Variants in ADD2 observed in about 807,000 individuals in gnomAD.
ADD2 encodes the protein adducin 2, also known as beta-adducin.
A neutral mutation model predicts 83.0 loss-of-function variants in ADD2; 23 were observed. The ratio of observed to expected loss-of-function variants is 0.28; its 90% CI spans 0.20 to 0.39. ADD2 has a LOEUF of 0.39. Among genes scored for constraint, ADD2 ranks in the 10% least tolerant of loss-of-function variants. ADD2 has a pLI of 1.00. For missense variants in ADD2, 758 were observed against 944.9 expected (o/e 0.80, Z 2.59); for synonymous variants, 375 against 375.4 (o/e 1.00, Z 0.01).
intron 1 of ADD2, among the ~76,000 whole-genome samples, chr2:70,742,234 G>A (rs1553381227): frequency 6.6e-6 from 1 of 152,156 alleles, no homozygotes; most frequent in African/African-American, 2.4e-5. Flanking sequence ...TTTTGGTTAA[G>A]AAAGTGCTAT....
At position 70,696,154 on chromosome 2, in the gene ADD2, G is replaced by A. The variant is rs55880898; in HGVS notation, c.474+91C>T. ...ATTTTAGCCAAAGGTCACCAGCAGT[G>A]CCATGGCCATGCCAAGGGTCAGGAG... On this transcript the variant is annotated intron_variant, in intron 5 of 15. Coordinates refer to ENST00000264436, the MANE Select transcript of ADD2 (RefSeq NM_001617.4). 1.0e-2 allele frequency: 14,868 copies of A among 1,491,844 alleles called. 103 individuals are homozygous for A. Among genetic ancestry groups the A allele is most frequent in the Non-Finnish European group, 0.012 (13,498 of 1,098,380 alleles). 92.4% of individuals were successfully genotyped at this position (1,491,844 alleles called of 1,614,324 possible). A position where few individuals can be genotyped will look rare whatever the true frequency, so the allele number is the denominator to read the frequency against.
chr2:70,734,502 C>A (rs1673428263), intron 1 of ADD2, among the ~76,000 whole-genome samples: 1 of 152,086 alleles, frequency 6.6e-6, no homozygotes, highest in African/African-American at 2.4e-5. Context: ...CAGGTCAGGG[C>A]ACTTAGGGGA....
chr2:70,735,704 T>C (rs1553379970), intron 1 of ADD2, among the ~76,000 whole-genome samples: 2 of 150,862 alleles, frequency 1.3e-5, no homozygotes, highest in African/African-American at 4.9e-5. Context: ...TCTATCTCTA[T>C]TCCCCCGCTT....
chr2:70,720,497 G>T (rs115610526), intron 1 of ADD2, among the ~76,000 whole-genome samples: 3 of 152,314 alleles, frequency 2.0e-5, no homozygotes, highest in Non-Finnish European at 4.4e-5. Flanking sequence ...CGATGATTCT[G>T]TATTCTAGCG....
At chr2:70,763,288 T>C (rs539304957) in intron 1 of ADD2, among the ~76,000 whole-genome samples, 1 of 152,098 alleles carries the variant, frequency 6.6e-6, no homozygotes, top group South Asian at 2.1e-4. Context: ...TTGGTGGTGG[T>C]TGTCATTGAA....
intron 1 of ADD2, among the ~76,000 whole-genome samples, chr2:70,751,202 T>A (rs557218288): frequency 6.6e-6 from 1 of 152,190 alleles, no homozygotes; most frequent in Non-Finnish European, 1.5e-5. Context: ...CCCTTCCACT[T>A]TGACACTCTG....
intron 12 of ADD2, among the ~76,000 whole-genome samples, chr2:70,677,342 G>A (rs1009989714): frequency 3.9e-5 from 6 of 152,120 alleles, no homozygotes; most frequent in Non-Finnish European, 5.9e-5. Flanking sequence ...TCCTGTGAGC[G>A]ATCTGATCTG....
chr2:70,728,042 C>T (rs562211501), intron 1 of ADD2, among the ~76,000 whole-genome samples: 1 of 152,236 alleles, frequency 6.6e-6, no homozygotes, highest in South Asian at 2.1e-4. Flanking sequence ...AGAAGCTTTG[C>T]GAGGTTCAAG....
At chr2:70,745,218 G>A (rs1168060162) in intron 1 of ADD2, among the ~76,000 whole-genome samples, 3 of 152,136 alleles carry the variant, frequency 2.0e-5, no homozygotes, top group East Asian at 1.9e-4. Context: ...CCCGGAGGGC[G>A]GAGCTTGCAG....
At chr2:70,742,303 G>A (rs2104503726) in intron 1 of ADD2, among the ~76,000 whole-genome samples, 1 of 152,280 alleles carries the variant, frequency 6.6e-6, no homozygotes, top group African/African-American at 2.4e-5. Flanking sequence ...ACATGAAAAT[G>A]TATAATCAAG....
chr2:70,721,081 A>T (rs994812992), intron 1 of ADD2, among the ~76,000 whole-genome samples: 11 of 151,906 alleles, frequency 7.2e-5, no homozygotes, highest in African/African-American at 2.4e-4. Context: ...ACATATTCCC[A>T]CCCTTTAGGT....
In ADD2 at chr2:70,676,801, T is replaced by C; in HGVS notation, c.1588A>G (p.Ser530Gly). ...AGGGGCAGCCTCTGCTCTACCGGGC[T>C]TCGGCTCTTCTCGGCAATGACGCTC... ...LASVIAEKSR[S>G]PSTESQLMSK... Residue 530 changes from serine (S) to glycine (G), a missense_variant, in exon 13 of 16, where the codon AGC (serine) becomes GGC (glycine). Ser to Gly is a moderately conservative substitution (Grantham distance 56, BLOSUM62 0). This residue lies in a region of ADD2 where 394 missense variants were observed against 509.3 expected (regional missense o/e 0.77). Coordinates refer to ENST00000264436, the MANE Select transcript of ADD2 (RefSeq NM_001617.4). This position sits in a 1 kb window ranked among gnomAD's most constrained non-coding sequence, Gnocchi z 4.8. 1 of 1,614,190 alleles carries C rather than the reference T, an allele frequency of 6.2e-7. No homozygotes were observed. The highest frequency in any genetic ancestry group is 8.5e-7 in the Non-Finnish European group (1 of 1,180,020).
At chr2:70,699,357 G>A (rs1671469074) in intron 4 of ADD2, among the ~76,000 whole-genome samples, 1 of 152,028 alleles carries the variant, frequency 6.6e-6, no homozygotes, top group Non-Finnish European at 1.5e-5. Context: ...CAGGGATAAG[G>A]GGAAAATATC....
rs1211565959 is a variant in ADD2, at chr2:70,767,594, A to C, written c.-154+292T>G. The C allele has an allele frequency of 4.8e-6, 6 of 1,237,162 alleles. No homozygotes were observed. The Admixed American group carries it at 2.5e-4, about 51-fold the overall frequency. 76.6% of individuals were successfully genotyped at this position (1,237,162 alleles called of 1,614,324 possible). A position where few individuals can be genotyped will look rare whatever the true frequency, so the allele number is the denominator to read the frequency against. The stretch of plus-strand genomic sequence containing the variant: ...CCGCCCCTCCATTCGGACCCAAAAG[A>C]AAGCCCCACCTGTCAGGCGTTACGC... On this transcript the variant is annotated intron_variant, in intron 1 of 15. Coordinates refer to ENST00000264436, the MANE Select transcript of ADD2 (RefSeq NM_001617.4).
chr2:70,765,387 T>G (rs1675331262), intron 1 of ADD2, among the ~76,000 whole-genome samples: 1 of 151,482 alleles, frequency 6.6e-6, no homozygotes, highest in South Asian at 2.1e-4. Context: ...AAAAAAGAAT[T>G]GTTGTGTTTT....
intron 1 of ADD2, among the ~76,000 whole-genome samples, chr2:70,750,787 G>T (rs1388357719): frequency 6.6e-6 from 1 of 152,194 alleles, no homozygotes; most frequent in East Asian, 1.9e-4. Flanking sequence ...CCATGTAAAG[G>T]CAGCCCTGGG....
At chr2:70,736,234 G>C (rs1469248394) in intron 1 of ADD2, among the ~76,000 whole-genome samples, 3 of 152,206 alleles carry the variant, frequency 2.0e-5, no homozygotes, top group Non-Finnish European at 4.4e-5. Flanking sequence ...TGGCATAAAG[G>C]AGAGAGTCAA....
chr2:70,675,748 G>A, intron 13 of ADD2: 1 of 985,418 alleles, frequency 1.0e-6, no homozygotes. Flanking sequence ...GCCACAGTAG[G>A]CCTAATGTAG....
At chr2:70,714,708 G>A (rs1262081886) in intron 1 of ADD2, among the ~76,000 whole-genome samples, 2 of 152,202 alleles carry the variant, frequency 1.3e-5, no homozygotes, top group Non-Finnish European at 2.9e-5. Context: ...CCCTTCCAGG[G>A]CTGGCCTCAG....
Sources: allele counts gnomAD v4.1 joint callset (sites outside exome capture counted in the v4.1 genomes callset), GRCh38; gene constraint gnomAD v4.1.1; regional missense constraint gnomAD v4.1.1; non-coding constraint Gnocchi (gnomAD v3.1); transcripts MANE v1.5; gene names NCBI Gene and HGNC (gene_info 2026-07-23, HGNC 2026-07-21).